GPD2: variants seen among roughly 807,000 people sequenced by gnomAD.
GPD2 encodes the protein glycerol-3-phosphate dehydrogenase 2.
GPD2 carries 54 observed loss-of-function variants against 82.4 expected under a neutral mutation model. The ratio of observed to expected loss-of-function variants is 0.66; its 90% CI spans 0.53 to 0.82. The LOEUF (loss-of-function observed/expected upper bound fraction) is 0.82, where lower values mean the gene tolerates loss of function less well. Ranked by LOEUF, GPD2 falls within the 40% of genes least tolerant of loss-of-function variation. The pLI, the probability that GPD2 is intolerant of heterozygous loss-of-function variation, is 0.00. For synonymous variants in GPD2, 288 were observed against 306.1 expected, an observed-to-expected ratio of 0.94 and a Z score of 0.62; for missense variants, 748 against 896.2, an observed-to-expected ratio of 0.83 and a Z score of 2.11.
chr2:156,409,240 C>G, the GPD2 span, among the ~76,000 whole-genome samples: 1 of 152,146 alleles, frequency 6.6e-6, no homozygotes, highest in South Asian at 2.1e-4. Flanking sequence ...CTCTAGCAAA[C>G]TAATGCATTA....
At chr2:156,475,952 A>G (rs1430317887) in intron 1 of GPD2, 146 bp from the exon 2 acceptor site, 1 of 616,120 alleles carries the variant, frequency 1.6e-6, no homozygotes, top group Non-Finnish European at 2.9e-6. Flanking sequence ...TGCAGTATAC[A>G]CATTGGTTTG....
chr2:156,461,161 C>CTTTTTTTTTTTTTTTTTTTTTTTT (rs70987039), intron 1 of GPD2, among the ~76,000 whole-genome samples: 1 of 106,472 alleles, frequency 9.4e-6, no homozygotes. Context: ...CTCTCTATCT[C>CTTTTTTTTTTTTTTTTTTTTTTTT]TTTTTTTTTT....
intron 9 of GPD2, among the ~76,000 whole-genome samples, chr2:156,559,694 A>T (rs887927262): frequency 6.6e-6 from 1 of 152,200 alleles, no homozygotes. Context: ...GTCTCTTTGG[A>T]TATCTACAAT....
chr2:156,446,578 A>ATT (rs966207426), intron 1 of GPD2, among the ~76,000 whole-genome samples: 1 of 141,192 alleles, frequency 7.1e-6, no homozygotes, highest in Non-Finnish European at 1.6e-5. Flanking sequence ...GTGTCCTTGC[A>ATT]TTTTTTTTTT....
At chr2:156,569,686 G>A (rs1466258883) in intron 11 of GPD2, 148 bp downstream of exon 11, 1 of 723,264 alleles carries the variant, frequency 1.4e-6, no homozygotes, top group South Asian at 1.5e-5. Context: ...AAAAAAAGAT[G>A]ATCTTGCTTT....
At chr2:156,417,239 A>G in the GPD2 span, among the ~76,000 whole-genome samples, 1 of 152,172 alleles carries the variant, frequency 6.6e-6, no homozygotes, top group African/African-American at 2.4e-5. Flanking sequence ...TGATTTGATC[A>G]ATTTTATTCA....
At chr2:156,514,498 A>G (rs1685124996) in intron 6 of GPD2, among the ~76,000 whole-genome samples, 1 of 150,726 alleles carries the variant, frequency 6.6e-6, no homozygotes, top group African/African-American at 2.4e-5. Flanking sequence ...TATTTTTTTC[A>G]GGATACTTTG....
At chr2:156,569,616 G>A in intron 11 of GPD2, 78 bp downstream of exon 11, 1 of 1,015,302 alleles carries the variant, frequency 9.8e-7, no homozygotes, top group Non-Finnish European at 1.6e-6. Flanking sequence ...GCAGCAATCA[G>A]GTCTCCCTGA....
At chr2:156,406,640 C>G in the GPD2 span, among the ~76,000 whole-genome samples, 1 of 151,934 alleles carries the variant, frequency 6.6e-6, no homozygotes, top group Admixed American at 6.6e-5. Context: ...TTCTTTATTC[C>G]AAAATTGAAT....
At chr2:156,439,543 A>C (rs1370832536) in intron 1 of GPD2, among the ~76,000 whole-genome samples, 1 of 137,540 alleles carries the variant, frequency 7.3e-6, no homozygotes, top group African/African-American at 2.7e-5. Flanking sequence ...AAAAAAACAA[A>C]AAAAAAAAAA....
intron 1 of GPD2, among the ~76,000 whole-genome samples, chr2:156,451,336 G>T (rs544148977): frequency 6.9e-6 from 1 of 145,688 alleles, no homozygotes. Flanking sequence ...CTGGCCGGGC[G>T]GGGGTGCTCC....
intron 1 of GPD2, among the ~76,000 whole-genome samples, chr2:156,466,707 C>G (rs1187692465): frequency 2.6e-5 from 4 of 152,214 alleles, no homozygotes; most frequent in Admixed American, 2.6e-4. Flanking sequence ...CATTATTAAA[C>G]TTAACCCCCC....
intron 2 of GPD2, among the ~76,000 whole-genome samples, 161 bp downstream of exon 2, chr2:156,476,368 T>G (rs1201771175): frequency 1.3e-5 from 2 of 152,248 alleles, no homozygotes; most frequent in Non-Finnish European, 2.9e-5. Context: ...TTAATGATCC[T>G]GGAGAACTGT....
chr2:156,517,895 G>A (rs78744151), intron 6 of GPD2, among the ~76,000 whole-genome samples: 2,755 of 152,080 alleles, frequency 0.018, 92 homozygotes, highest in African/African-American at 0.062. Context: ...CCTCCATTAA[G>A]CCATTATAAA....
intron 1 of GPD2, among the ~76,000 whole-genome samples, chr2:156,472,055 T>G (rs1211871906): frequency 6.6e-6 from 1 of 152,362 alleles, no homozygotes; most frequent in African/African-American, 2.4e-5. Flanking sequence ...ATAAATAAGC[T>G]AATTCTATTT....
At chr2:156,449,525 T>C (rs1257530447) in intron 1 of GPD2, among the ~76,000 whole-genome samples, 1 of 152,122 alleles carries the variant, frequency 6.6e-6, no homozygotes, top group Non-Finnish European at 1.5e-5. Context: ...CCACAGACAA[T>C]TGTAATATGC....
intron 2 of GPD2, among the ~76,000 whole-genome samples, chr2:156,481,181 C>G (rs1683716842): frequency 6.6e-6 from 1 of 151,892 alleles, no homozygotes; most frequent in African/African-American, 2.4e-5. Flanking sequence ...TTTTGTTTGA[C>G]ATGTCATAAT....
At chr2:156,495,612 A>G (rs1178848226) in intron 2 of GPD2, 1 of 463,700 alleles carries the variant, frequency 2.2e-6, no homozygotes, top group Non-Finnish European at 4.5e-6. Context: ...TACTTCTGAG[A>G]AAGTGTGGAA....
chr2:156,537,495 C>T (rs1277087500), intron 6 of GPD2, among the ~76,000 whole-genome samples: 1 of 152,096 alleles, frequency 6.6e-6, no homozygotes, highest in Non-Finnish European at 1.5e-5. Flanking sequence ...ATGTCCCAGC[C>T]TTGTATAGTT....
Sources: gnomAD v4.1 joint callset for allele counts (sites outside exome capture counted in the v4.1 genomes callset) on GRCh38, gnomAD v4.1.1 for gene constraint, MANE v1.5 for transcripts, NCBI Gene and HGNC (gene_info 2026-07-23, HGNC 2026-07-21) for gene names.